Variants in ZNF569 observed in about 807,000 individuals in gnomAD.
The protein encoded by ZNF569 is DNA-binding protein.
ZNF569 carries 38 observed loss-of-function variants against 56.3 expected under a neutral mutation model. The observed-to-expected ratio is 0.68, with a 90% CI of 0.52 to 0.88. The LOEUF is 0.88. ZNF569 is among the 40% of genes least tolerant of loss of function. The pLI, the probability that ZNF569 is intolerant of heterozygous loss-of-function variation, is 0.00. For missense variants in ZNF569, 666 were observed against 809.2 expected (o/e 0.82, Z 2.15); for synonymous variants, 241 against 262.9 (o/e 0.92, Z 0.81).
At chr19:37,461,414 C>A (rs2146976829) in intron 2 of ZNF569, among the ~76,000 whole-genome samples, 1 of 151,186 alleles carries the variant, frequency 6.6e-6, no homozygotes, top group Admixed American at 6.6e-5. Flanking sequence ...TCAAGCGATT[C>A]TCCTGCCTCA....
At chr19:37,414,707 A>C (rs2040899316) in intron 5 of ZNF569, among the ~76,000 whole-genome samples, 1 of 152,226 alleles carries the variant, frequency 6.6e-6, no homozygotes, top group Non-Finnish European at 1.5e-5. Flanking sequence ...GGAAATGCAG[A>C]ATGTACAAAT....
At chr19:37,423,779 AG>A in intron 5 of ZNF569, among the ~76,000 whole-genome samples, 1 of 152,308 alleles carries the variant, frequency 6.6e-6, no homozygotes, top group East Asian at 1.9e-4. Flanking sequence ...AAACATGAAA[AG>A]ATGCTTGCCT....
At chr19:37,448,143 AT>A (rs1217070051) in intron 2 of ZNF569, among the ~76,000 whole-genome samples, 1 of 152,206 alleles carries the variant, frequency 6.6e-6, no homozygotes, top group East Asian at 1.9e-4. Flanking sequence ...AAAAGTTTGT[AT>A]AGAATCATTA....
At chr19:37,450,540 A>T (rs901854968) in intron 2 of ZNF569, among the ~76,000 whole-genome samples, 3 of 151,500 alleles carry the variant, frequency 2.0e-5, no homozygotes, top group Non-Finnish European at 2.9e-5. Context: ...AGTCTTCTCT[A>T]TTTTTTTCAT....
Position 37,448,195 on chromosome 19 carries a change from T to A in ZNF569, c.-43-3231A>T, listed in dbSNP as rs118145590. Among the ~76,000 whole-genome samples the A allele has an allele frequency of 9.3e-3, 1,418 of 152,292 alleles. 13 individuals carry two copies. The highest frequency in any genetic ancestry group is 0.015 in the Non-Finnish European group (1,009 of 68,016). ...ATGTTTAGTACTTCACCTGGGAAAT[T>A]ATCTGGGTGTGGAGTTTCCATTTTG... On this transcript the variant is annotated intron_variant, in intron 2 of 5. Coordinates refer to ENST00000316950, the MANE Select transcript of ZNF569 (RefSeq NM_152484.3).
chr19:37,421,518 A>G (rs1002765628), intron 5 of ZNF569, among the ~76,000 whole-genome samples: 1 of 152,088 alleles, frequency 6.6e-6, no homozygotes, highest in Non-Finnish European at 1.5e-5. Flanking sequence ...AAACCTTATG[A>G]ACCTACCTCT....
At chr19:37,446,554 A>C (rs1424040157) in intron 2 of ZNF569, among the ~76,000 whole-genome samples, 2 of 145,796 alleles carry the variant, frequency 1.4e-5, no homozygotes, top group African/African-American at 2.6e-5. Context: ...CATCTCAAAA[A>C]AAAAAAAAAA....
intron 2 of ZNF569, 86 bp from the exon 3 acceptor site, chr19:37,445,050 G>A: frequency 3.1e-6 from 3 of 965,362 alleles, no homozygotes; most frequent in South Asian, 1.7e-5. Context: ...AGGTCACCCT[G>A]TAGTGGAATG....
At position 37,411,586 on chromosome 19, in the gene ZNF569, T is replaced by C. The variant is rs1199173127; in HGVS notation, c.*1011A>G. On this transcript the variant is annotated 3_prime_UTR_variant, in exon 6 of 6. Coordinates refer to ENST00000316950, the MANE Select transcript of ZNF569 (RefSeq NM_152484.3). Reference sequence around the variant, plus strand: ...CACCAAAATTCAACAGACTATTCCATGTTTACATGTTTTTTAAAGAAATCT... The same window carrying C: ...CACCAAAATTCAACAGACTATTCCACGTTTACATGTTTTTTAAAGAAATCT... 2 of 152,160 alleles carry C rather than the reference T, an allele frequency of 1.3e-5. No homozygotes were observed. Among genetic ancestry groups the C allele is most frequent in the East Asian group, 3.8e-4 (2 of 5,204 alleles). The allele number at this position is 152,160 out of a possible 1,614,324, so 9.4% of individuals were successfully genotyped here.
Position 37,463,090 on chromosome 19 carries a change from G to A in ZNF569, c.-44+2223C>T, listed in dbSNP as rs111761221. Among the ~76,000 whole-genome samples, 1,003 of 152,210 alleles carry A rather than the reference G, an allele frequency of 6.6e-3. 14 individuals are homozygous for A. Among genetic ancestry groups the A allele is most frequent in the African/African-American group, 0.022 (932 of 41,532 alleles). On this transcript the variant is annotated intron_variant, in intron 2 of 5. Coordinates refer to ENST00000316950, the MANE Select transcript of ZNF569 (RefSeq NM_152484.3). Reference sequence around the variant, plus strand: ...CATAAAAACAGTATTGTGTCACCTTGTCTCATTCACACTCTACCTCAGTTT... The same window carrying A: ...CATAAAAACAGTATTGTGTCACCTTATCTCATTCACACTCTACCTCAGTTT...
chr19:37,413,879 T>C lies in ZNF569; in HGVS notation c.779A>G (p.His260Arg). 1 of 1,613,508 alleles carries C rather than the reference T, an allele frequency of 6.2e-7. No homozygotes were observed. Among genetic ancestry groups the C allele is most frequent in the East Asian group, 2.2e-5 (1 of 44,874 alleles). The change falls in exon 6 of 6, where the codon CAT becomes CGT. Residue 260 changes from histidine to arginine, a missense_variant. Physicochemically the swap from His to Arg is conservative, Grantham distance 29. Transcript: ENST00000316950. ...CTTCTCTCCAGTATGAATTCTTTGATGTCTAATGAGATTTGACATTTTAAT... is the reference window on the plus strand; with the variant it reads ...CTTCTCTCCAGTATGAATTCTTTGACGTCTAATGAGATTTGACATTTTAAT... ...AFIKMSNLIR[H>R]QRIHTGEKPY...
At chr19:37,432,090 C>A (rs1011387753) in intron 3 of ZNF569, among the ~76,000 whole-genome samples, 1 of 152,200 alleles carries the variant, frequency 6.6e-6, no homozygotes, top group African/African-American at 2.4e-5. Flanking sequence ...CTGCCCGTGG[C>A]TGGGGGGAAC....
At chr19:37,426,476 T>TA in intron 3 of ZNF569, 98 bp from the exon 4 acceptor site, 1 of 1,310,630 alleles carries the variant, frequency 7.6e-7, no homozygotes, top group East Asian at 2.6e-5. Flanking sequence ...CAGAGGTTAT[T>TA]AAAAAAGCCC....
chr19:37,446,274 G>C (rs1346921611), intron 2 of ZNF569, among the ~76,000 whole-genome samples: 1 of 152,142 alleles, frequency 6.6e-6, no homozygotes, highest in African/African-American at 2.4e-5. Context: ...CTGGGGCCAG[G>C]TGTGGTGGCT....
intron 5 of ZNF569, among the ~76,000 whole-genome samples, chr19:37,416,400 T>A (rs557124626): frequency 7.0e-4 from 106 of 152,304 alleles, no homozygotes; most frequent in Middle Eastern, 3.4e-3. Flanking sequence ...GATATTTATT[T>A]TTAAAAACCT....
At chr19:37,445,458 A>T (rs756208621) in intron 2 of ZNF569, among the ~76,000 whole-genome samples, 4 of 152,180 alleles carry the variant, frequency 2.6e-5, no homozygotes, top group Non-Finnish European at 4.4e-5. Flanking sequence ...GAGCAATCAG[A>T]CAAGAGAAAG....
chr19:37,416,907 TTGAAC>T (rs1424073973), intron 5 of ZNF569, among the ~76,000 whole-genome samples: 3 of 152,218 alleles, frequency 2.0e-5, no homozygotes, highest in African/African-American at 4.8e-5. Flanking sequence ...GTGTTATGGA[TTGAAC>T]TGAAGTCCTA....
chr19:37,420,022 G>C (rs2041006635), intron 5 of ZNF569, among the ~76,000 whole-genome samples: 1 of 131,032 alleles, frequency 7.6e-6, no homozygotes, highest in African/African-American at 2.9e-5. Context: ...GCCCAGGCAA[G>C]AGTGCAGAGG....
In ZNF569 at chr19:37,449,240, T is replaced by C. The variant is rs547095699; in HGVS notation, c.-43-4276A>G. Reference sequence around the variant, plus strand: ...GACATTTCTATTATGGCCCCAAATATGATCTATGTAGGTGAATGCCCATGC... The same window carrying C: ...GACATTTCTATTATGGCCCCAAATACGATCTATGTAGGTGAATGCCCATGC... On this transcript the variant is annotated intron_variant, in intron 2 of 5. Transcript: ENST00000316950. 1.8e-3 allele frequency among the ~76,000 whole-genome samples: 280 copies of C among 152,304 alleles called. 3 individuals carry two copies. In the South Asian group the frequency reaches 0.021, roughly 12 times the overall value.
Sources: gnomAD v4.1 joint callset for allele counts (sites outside exome capture counted in the v4.1 genomes callset) on GRCh38, gnomAD v4.1.1 for gene constraint, MANE v1.5 for transcripts, NCBI Gene and HGNC (gene_info 2026-07-23, HGNC 2026-07-21) for gene names.